NCOA3: variants seen among roughly 807,000 people sequenced by gnomAD.
NCOA3 encodes nuclear receptor coactivator 3.
A neutral mutation model predicts 158.8 loss-of-function variants in NCOA3; 51 were observed. The observed-to-expected ratio is 0.32, with a 90% confidence interval of 0.26 to 0.41. The LOEUF (loss-of-function observed/expected upper bound fraction) is 0.41. NCOA3 is among the 10% of genes least tolerant of loss of function. The pLI is 1.00. For missense variants in NCOA3, 1,510 were observed against 1,746.6 expected (o/e 0.86, Z 2.41); for synonymous variants, 537 against 592.4 (o/e 0.91, Z 1.36).
At chr20:47,518,327 C>T (rs1030469389) in intron 1 of NCOA3, among the ~76,000 whole-genome samples, 1 of 148,844 alleles carries the variant, frequency 6.7e-6, no homozygotes, top group African/African-American at 2.5e-5. Flanking sequence ...GCCTGAGAAA[C>T]AGAGGGAGAC....
chr20:47,639,265 G>A, intron 14 of NCOA3, 63 bp downstream of exon 14: 1 of 1,343,606 alleles, frequency 7.4e-7, no homozygotes, highest in South Asian at 1.3e-5. Flanking sequence ...AATACTTAAA[G>A]CCATCTAAAT....
intron 1 of NCOA3, among the ~76,000 whole-genome samples, chr20:47,525,834 C>T (rs1342047974): frequency 1.2e-4 from 10 of 81,094 alleles, no homozygotes; most frequent in Admixed American, 3.7e-4. Context: ...CCAGTAGGGG[C>T]GGCCGGGCAG....
chr20:47,577,053 A>T (rs1040684849), intron 1 of NCOA3, among the ~76,000 whole-genome samples: 12 of 152,198 alleles, frequency 7.9e-5, no homozygotes, highest in African/African-American at 2.9e-4. Flanking sequence ...CCAGATTTTT[A>T]AGTTTTCTCC....
rs2085056976 is a variant in NCOA3 at position 47,558,960 on chromosome 20, C to T, written c.-98-24223C>T. Among the ~76,000 whole-genome samples the T allele has an allele frequency of 2.6e-5, 4 of 151,902 alleles. 1 individual carries two copies. In the South Asian group the frequency reaches 6.2e-4, roughly 24 times the overall value. ...GAATTTATTGTTTTGGACTTGATGC[C>T]TTTCACAGCTTTTTCCGTAACAGTG... is the stretch of plus-strand genomic sequence containing the variant. On this transcript the variant is annotated intron_variant, in intron 1 of 22. Coordinates refer to ENST00000371998, the MANE Select transcript of NCOA3 (RefSeq NM_181659.3).
Position 47,636,290 on chromosome 20 carries a change from C to T in NCOA3, c.1904C>T (p.Ser635Phe), listed in dbSNP as rs781339192. ...LTCSSDDRGH[S>F]SLTNSPLDSS... Reference sequence around the variant, plus strand: ...TGTTCTTCTGATGACCGGGGTCATTCCTCCTTGACCAACTCCCCCCTAGAT... The same window carrying T: ...TGTTCTTCTGATGACCGGGGTCATTTCTCCTTGACCAACTCCCCCCTAGAT... Residue 635 changes from serine to phenylalanine, a missense_variant, in exon 12 of 23, where the codon TCC becomes TTC. By Grantham distance (155) the Ser-to-Phe change is radical. Around this residue, in one of 4 missense-constraint regions of NCOA3, gnomAD observed 1,017 missense variants for 1,098.3 expected, o/e 0.93. Transcript: ENST00000371998. 6.2e-7 allele frequency: 1 copy of T among 1,614,148 alleles called. No homozygotes were observed. The highest frequency in any genetic ancestry group is 8.5e-7 in the Non-Finnish European group (1 of 1,180,020).
chr20:47,598,868 T>C (rs1449317003), intron 2 of NCOA3, among the ~76,000 whole-genome samples: 7 of 152,216 alleles, frequency 4.6e-5, no homozygotes, highest in Admixed American at 4.6e-4. Context: ...AATGTTTCAG[T>C]CAATGAAGGA....
chr20:47,581,571 C>G (rs1286992243), intron 1 of NCOA3, among the ~76,000 whole-genome samples: 2 of 152,194 alleles, frequency 1.3e-5, no homozygotes, highest in African/African-American at 2.4e-5. Context: ...TTCCTTTCCC[C>G]CATACCAACA....
chr20:47,649,353 C>CA (rs1214271421), intron 19 of NCOA3, among the ~76,000 whole-genome samples: 1 of 151,970 alleles, frequency 6.6e-6, no homozygotes, highest in Non-Finnish European at 1.5e-5. Flanking sequence ...TTAATTGGTT[C>CA]CCTTTGTGAT....
chr20:47,514,984 C>T (rs1324728523), intron 1 of NCOA3, among the ~76,000 whole-genome samples: 1 of 150,140 alleles, frequency 6.7e-6, no homozygotes, highest in South Asian at 2.1e-4. Flanking sequence ...CACACCCAGC[C>T]TCTTGTATTT....
intron 2 of NCOA3, among the ~76,000 whole-genome samples, chr20:47,585,079 A>G (rs1312718973): frequency 8.4e-6 from 1 of 119,720 alleles, no homozygotes; most frequent in Non-Finnish European, 1.7e-5. Context: ...TTTGAGACAG[A>G]CTCCCTCTGT....
rs1476754840 is a variant in NCOA3, at chr20:47,653,868, G to A, written c.*451G>A. 1 of 168,200 alleles carries A rather than the reference G, an allele frequency of 5.9e-6. No homozygotes were observed. Among genetic ancestry groups the A allele is most frequent in the African/African-American group, 2.4e-5 (1 of 41,856 alleles). 10.4% of individuals were successfully genotyped at this position (168,200 alleles called of 1,614,324 possible). ...CAAAGAGCATAGTCCCAGCCTTCAG[G>A]TGTAGTAGTTCTGTGTTGACCCTTT... On this transcript the variant is annotated 3_prime_UTR_variant, in exon 23 of 23. Transcript: ENST00000371998.
chr20:47,583,203 G>C lies in NCOA3; in HGVS notation c.-78G>C, dbSNP rs1014633652. The C allele has an allele frequency of 2.5e-6, 1 of 398,494 alleles. No individual in the cohort carries two copies. Among genetic ancestry groups the C allele is most frequent in the Admixed American group, 4.4e-5 (1 of 22,720 alleles). The allele number at this position is 398,494 out of a possible 1,614,324, so 24.7% of individuals were successfully genotyped here. On this transcript the variant is annotated 5_prime_UTR_variant, in exon 2 of 23. The change abolishes an upstream ATG in the 5' untranslated region. Transcript: ENST00000371998. The stretch of plus-strand genomic sequence containing the variant: ...CTCAGGATCAAAATACTTGCTGGAT[G>C]GTGGACTCAGAGACCAATAAAAATA...
At chr20:47,647,870 T>A (rs967185615) in intron 18 of NCOA3, among the ~76,000 whole-genome samples, 4 of 151,646 alleles carry the variant, frequency 2.6e-5, no homozygotes, top group African/African-American at 9.7e-5. Context: ...ACCATATAAG[T>A]AGATGAATGC....
At chr20:47,549,019 G>T (rs1046326395) in intron 1 of NCOA3, among the ~76,000 whole-genome samples, 7 of 152,224 alleles carry the variant, frequency 4.6e-5, no homozygotes, top group South Asian at 4.2e-4. Flanking sequence ...AAACTTCAAA[G>T]ATGTAAAAAC....
intron 1 of NCOA3, among the ~76,000 whole-genome samples, chr20:47,521,358 T>C (rs900708643): frequency 1.3e-5 from 2 of 152,110 alleles, no homozygotes; most frequent in Non-Finnish European, 1.5e-5. Flanking sequence ...TTTTTTTTTT[T>C]CTCAGCAAGG....
chr20:47,639,514 AC>A (rs1016096494), intron 14 of NCOA3, 62 bp from the exon 15 acceptor site: 1 of 1,582,424 alleles, frequency 6.3e-7, no homozygotes, highest in African/African-American at 1.4e-5. Flanking sequence ...GGCTGTACTT[AC>A]ATGGTATAAG....
chr20:47,568,543 C>T (rs912407822), intron 1 of NCOA3, among the ~76,000 whole-genome samples: 7 of 152,128 alleles, frequency 4.6e-5, no homozygotes, highest in Non-Finnish European at 7.4e-5. Context: ...GTAGCTCCAT[C>T]CCAGCACTTG....
intron 16 of NCOA3, 84 bp downstream of exon 16, chr20:47,640,135 A>G: frequency 3.8e-6 from 6 of 1,563,868 alleles, no homozygotes; most frequent in Non-Finnish European, 5.3e-6. Flanking sequence ...CAAACGTGAA[A>G]GAGAATGAGA....
intron 1 of NCOA3, among the ~76,000 whole-genome samples, chr20:47,523,620 TG>T (rs1450289173): frequency 6.6e-6 from 1 of 152,210 alleles, no homozygotes; most frequent in Non-Finnish European, 1.5e-5. Flanking sequence ...TCCCTGAGCC[TG>T]TCAATAATTT....
Sources: allele counts gnomAD v4.1 joint callset (sites outside exome capture counted in the v4.1 genomes callset), GRCh38; gene constraint gnomAD v4.1.1; regional missense constraint gnomAD v4.1.1; transcripts MANE v1.5; gene names NCBI Gene and HGNC (gene_info 2026-07-23, HGNC 2026-07-21).